EPC1: variants seen among roughly 807,000 people sequenced by gnomAD.
EPC1 encodes enhancer of polycomb 1, also known as enhancer of polycomb homolog 1.
A neutral mutation model predicts 98.4 loss-of-function variants in EPC1; 12 were observed. That is an observed-to-expected ratio of 0.12 (90% CI 0.08 to 0.20). The LOEUF is 0.20. EPC1 is among the 10% of genes least tolerant of loss of function. The pLI, the probability that EPC1 is intolerant of heterozygous loss-of-function variation, is 1.00. For missense variants in EPC1, 729 were observed against 990.5 expected (o/e 0.74, Z 3.54); for synonymous variants, 357 against 363.9 (o/e 0.98, Z 0.21).
chr10:32,274,228 A>C (rs1384843122), intron 10 of EPC1, among the ~76,000 whole-genome samples: 2 of 152,060 alleles, frequency 1.3e-5, no homozygotes, highest in African/African-American at 4.8e-5. Context: ...ATTTTAAAAC[A>C]AAAAAAGATT....
intron 1 of EPC1, among the ~76,000 whole-genome samples, chr10:32,344,579 A>G (rs1838624605): frequency 6.6e-6 from 1 of 152,158 alleles, no homozygotes; most frequent in Admixed American, 6.5e-5. Context: ...TGAGGTCAGG[A>G]GTTCAAAACC....
chr10:32,351,917 A>AC (rs1839123175), upstream of EPC1, among the ~76,000 whole-genome samples: 1 of 146,240 alleles, frequency 6.8e-6, no homozygotes, highest in South Asian at 2.2e-4. Flanking sequence ...TTTTTTTAGT[A>AC]AGGACAGGGT....
chr10:32,349,573 TAAAAC>T (rs956397130), upstream of EPC1, among the ~76,000 whole-genome samples: 5 of 95,870 alleles, frequency 5.2e-5, no homozygotes, highest in African/African-American at 1.5e-4. Flanking sequence ...TTTATAAAAT[TAAAAC>T]AAACAAACAA....
chr10:32,327,062 GACACACACACAC>G (rs57395657), intron 1 of EPC1, among the ~76,000 whole-genome samples: 1 of 142,268 alleles, frequency 7.0e-6, no homozygotes, highest in Non-Finnish European at 1.5e-5. Context: ...AAAATGTGGT[GACACACACACAC>G]ACACACACAC....
chr10:32,311,027 C>A (rs746421957), intron 1 of EPC1, among the ~76,000 whole-genome samples: 3 of 152,096 alleles, frequency 2.0e-5, no homozygotes, highest in Non-Finnish European at 4.4e-5. Context: ...AGGAAAAAAA[C>A]CAGCTGGGCA....
intron 1 of EPC1, among the ~76,000 whole-genome samples, chr10:32,310,579 C>T (rs1836150613): frequency 6.6e-6 from 1 of 152,316 alleles, no homozygotes; most frequent in Non-Finnish European, 1.5e-5. Context: ...TTATAGTGAA[C>T]ACTCACTGCT....
intron 9 of EPC1, 119 bp downstream of exon 9, chr10:32,286,570 ATCAGT>A: frequency 8.8e-7 from 1 of 1,136,300 alleles, no homozygotes; most frequent in Non-Finnish European, 1.2e-6. Flanking sequence ...TAGTCAACAG[ATCAGT>A]TAAGAATAGC....
At chr10:32,287,856 G>T (rs542133320) in intron 6 of EPC1, among the ~76,000 whole-genome samples, 2 of 152,152 alleles carry the variant, frequency 1.3e-5, no homozygotes, top group Admixed American at 1.3e-4. Context: ...CAGTTTTAAA[G>T]GATAAAGATA....
intron 1 of EPC1, among the ~76,000 whole-genome samples, chr10:32,353,155 CAAAAAAA>C (rs78044145): frequency 3.8e-4 from 28 of 73,464 alleles, no homozygotes; most frequent in Non-Finnish European, 7.3e-4. Context: ...AACTCCATTT[CAAAAAAA>C]AAAAAAAAAA....
chr10:32,348,290 A>G (rs1838990156), upstream of EPC1, among the ~76,000 whole-genome samples: 1 of 152,086 alleles, frequency 6.6e-6, no homozygotes, highest in African/African-American at 2.4e-5. Flanking sequence ...AATAGGGAAG[A>G]TTGTTGGGGT....
chr10:32,336,843 T>C (rs759401631), intron 1 of EPC1, among the ~76,000 whole-genome samples: 2 of 152,182 alleles, frequency 1.3e-5, no homozygotes, highest in Non-Finnish European at 2.9e-5. Flanking sequence ...GTGAAGTCCT[T>C]GAGTAGGAGA....
chr10:32,329,002 C>T (rs980386643), intron 1 of EPC1, among the ~76,000 whole-genome samples: 8 of 152,136 alleles, frequency 5.3e-5, no homozygotes, highest in African/African-American at 1.4e-4. Context: ...CTGGCTTCGC[C>T]GGGGGAGAGG....
chr10:32,343,518 T>TA (rs1419643139), intron 1 of EPC1, among the ~76,000 whole-genome samples: 1 of 152,172 alleles, frequency 6.6e-6, no homozygotes, highest in African/African-American at 2.4e-5. Context: ...GCCAATCTGT[T>TA]ACTTTCAGAC....
At chr10:32,366,225 C>G (rs955711869) in intron 1 of EPC1, among the ~76,000 whole-genome samples, 5 of 152,084 alleles carry the variant, frequency 3.3e-5, no homozygotes, top group African/African-American at 1.2e-4. Flanking sequence ...GTTTTCCTAA[C>G]CTTGTTTTGT....
chr10:32,354,294 A>G (rs931964204), intron 1 of EPC1, among the ~76,000 whole-genome samples: 1 of 152,132 alleles, frequency 6.6e-6, no homozygotes, highest in Non-Finnish European at 1.5e-5. Flanking sequence ...TGCATGATTC[A>G]ATACAAAAAA....
intron 1 of EPC1, among the ~76,000 whole-genome samples, chr10:32,369,269 A>G (rs1304549600): frequency 6.6e-6 from 1 of 152,232 alleles, no homozygotes; most frequent in African/African-American, 2.4e-5. Flanking sequence ...AGACAGCTAC[A>G]TATTCTAAAA....
chr10:32,274,356 T>C (rs935559979), intron 10 of EPC1, among the ~76,000 whole-genome samples: 3 of 152,184 alleles, frequency 2.0e-5, no homozygotes, highest in African/African-American at 7.2e-5. Flanking sequence ...TTTGATAATT[T>C]AGTTAGAATA....
chr10:32,314,095 ACT>A (rs1429641128), intron 1 of EPC1, among the ~76,000 whole-genome samples: 2 of 152,128 alleles, frequency 1.3e-5, no homozygotes, highest in African/African-American at 4.8e-5. Context: ...AGAGGCATAA[ACT>A]CTCAAATCAG....
At chr10:32,341,003 T>C (rs1241146581) in intron 1 of EPC1, among the ~76,000 whole-genome samples, 3 of 152,260 alleles carry the variant, frequency 2.0e-5, no homozygotes, top group East Asian at 3.8e-4. Flanking sequence ...TAGTTGTCTC[T>C]GAAAGTATGT....
Sources: gnomAD v4.1 joint callset for allele counts (sites outside exome capture counted in the v4.1 genomes callset) on GRCh38, gnomAD v4.1.1 for gene constraint, MANE v1.5 for transcripts, NCBI Gene and HGNC (gene_info 2026-07-23, HGNC 2026-07-21) for gene names.